CDK8: variants seen among roughly 807,000 people sequenced by gnomAD.
CDK8 encodes cyclin-dependent kinase 8.
CDK8 carries 29 observed loss-of-function variants against 71.5 expected under a neutral mutation model. That is an observed-to-expected ratio of 0.41 (90% CI 0.30 to 0.55). The LOEUF (loss-of-function observed/expected upper bound fraction) is 0.55. Among genes scored for constraint, CDK8 ranks in the 20% least tolerant of loss-of-function variants. CDK8 has a pLI of 0.37. For missense variants in CDK8, 288 were observed against 572.6 expected (o/e 0.50, Z 5.07); for synonymous variants, 161 against 192.1 (o/e 0.84, Z 1.34).
At chr13:26,283,463 C>T (rs1326211536) in intron 1 of CDK8, among the ~76,000 whole-genome samples, 1 of 151,734 alleles carries the variant, frequency 6.6e-6, no homozygotes, top group Admixed American at 6.6e-5. Flanking sequence ...AAAAAATTAG[C>T]TGGGCGTGGT....
Position 26,339,971 on chromosome 13 carries a change from T to C in CDK8, c.204+2329T>C, listed in dbSNP as rs574671289. 7.2e-5 allele frequency among the ~76,000 whole-genome samples: 11 copies of C among 151,938 alleles called. No individual in the cohort carries two copies. In the South Asian group the frequency reaches 1.2e-3, roughly 17 times the overall value. ...AATGTTGAATAGTGGTGAGAGCAGTTATCTTTGATTTATTCCCAACTGTGA... is the reference window on the plus strand; with the variant it reads ...AATGTTGAATAGTGGTGAGAGCAGTCATCTTTGATTTATTCCCAACTGTGA... On this transcript the variant is annotated intron_variant, in intron 2 of 12. Transcript: ENST00000381527.
rs71080255 is a variant in CDK8 at position 26,335,920 on chromosome 13, TAACAACAACAAC to T, written c.129-1624_129-1613del. ...AAAATATAATTGATATTCTCTTGCT[TAACAACAACAAC>T]AACAACAACAACAACAACAACAGAC... is the stretch of plus-strand genomic sequence containing the variant. On this transcript the variant is annotated intron_variant, in intron 1 of 12. Coordinates refer to ENST00000381527, the MANE Select transcript of CDK8 (RefSeq NM_001260.3). 1.2e-3 allele frequency among the ~76,000 whole-genome samples: 178 copies of T among 150,088 alleles called. 5 individuals carry two copies. The East Asian group carries it at 0.031, about 26-fold the overall frequency.
chr13:26,307,440 C>T (rs1216174496), intron 1 of CDK8, among the ~76,000 whole-genome samples: 1 of 152,048 alleles, frequency 6.6e-6, no homozygotes, highest in Non-Finnish European at 1.5e-5. Context: ...GATTCATGAG[C>T]AAAAGAAGTG....
chr13:26,356,439 T>A (rs185737509), intron 4 of CDK8, among the ~76,000 whole-genome samples: 27 of 152,288 alleles, frequency 1.8e-4, no homozygotes, highest in Admixed American at 7.8e-4. Flanking sequence ...CATGACTTAG[T>A]GTTCTTTATA....
At chr13:26,394,014 G>C (rs942899021) in intron 7 of CDK8, among the ~76,000 whole-genome samples, 5 of 152,192 alleles carry the variant, frequency 3.3e-5, no homozygotes, top group Non-Finnish European at 5.9e-5. Flanking sequence ...CAATGTGGGT[G>C]AGAGTCATAG....
At chr13:26,332,524 A>T (rs1872800435) in intron 1 of CDK8, among the ~76,000 whole-genome samples, 1 of 151,630 alleles carries the variant, frequency 6.6e-6, no homozygotes, top group Non-Finnish European at 1.5e-5. Flanking sequence ...ATCAGCAAAG[A>T]GAGACAGTTT....
chr13:26,303,305 A>G (rs906062955), intron 1 of CDK8, among the ~76,000 whole-genome samples: 5 of 149,732 alleles, frequency 3.3e-5, no homozygotes, highest in African/African-American at 1.2e-4. Flanking sequence ...CTATAAATAT[A>G]TTTCTTTTTT....
intron 4 of CDK8, among the ~76,000 whole-genome samples, chr13:26,371,858 T>C (rs1373362978): frequency 1.3e-5 from 2 of 152,236 alleles, no homozygotes; most frequent in Admixed American, 6.5e-5. Context: ...CCTCAAGTTA[T>C]CCGCCCGCCT....
At chr13:26,389,049 T>C (rs1875614802) in intron 6 of CDK8, among the ~76,000 whole-genome samples, 1 of 149,276 alleles carries the variant, frequency 6.7e-6, no homozygotes, top group African/African-American at 2.4e-5. Flanking sequence ...GTTGTAGTCT[T>C]ACTTCTATCA....
intron 1 of CDK8, chr13:26,324,896 G>C (rs1874950859): frequency 3.4e-6 from 1 of 289,906 alleles, no homozygotes; most frequent in Non-Finnish European, 5.1e-6. Context: ...AAACAGACAA[G>C]AAAAGACCAA....
chr13:26,357,766 C>G (rs907869525), intron 4 of CDK8, among the ~76,000 whole-genome samples: 2 of 152,188 alleles, frequency 1.3e-5, no homozygotes, highest in Admixed American at 1.3e-4. Flanking sequence ...AGTTTTAGCT[C>G]TAGTCCAAAG....
chr13:26,262,668 G>A (rs945229789), intron 1 of CDK8, among the ~76,000 whole-genome samples: 2 of 152,082 alleles, frequency 1.3e-5, no homozygotes, highest in East Asian at 1.9e-4. Flanking sequence ...ATATTTTTTT[G>A]AAATATACTT....
chr13:26,339,143 A>G (rs1360923654), intron 2 of CDK8, among the ~76,000 whole-genome samples: 1 of 152,074 alleles, frequency 6.6e-6, no homozygotes, highest in South Asian at 2.1e-4. Context: ...ATGAAGTCTT[A>G]CTAATTTTTC....
chr13:26,289,434 T>A (rs1007430862), intron 1 of CDK8, among the ~76,000 whole-genome samples: 4 of 152,226 alleles, frequency 2.6e-5, no homozygotes, highest in Non-Finnish European at 5.9e-5. Flanking sequence ...TGTTTTGATA[T>A]CCTACTGTAA....
intron 1 of CDK8, among the ~76,000 whole-genome samples, chr13:26,265,493 T>G (rs1392529760): frequency 2.0e-5 from 3 of 152,128 alleles, no homozygotes; most frequent in African/African-American, 7.2e-5. Context: ...GTGAGAGAGG[T>G]AATATCACTC....
intron 1 of CDK8, among the ~76,000 whole-genome samples, chr13:26,304,564 A>G (rs922576625): frequency 3.9e-5 from 6 of 151,948 alleles, no homozygotes; most frequent in African/African-American, 1.4e-4. Flanking sequence ...CCTGTGACTA[A>G]TACCCTTTTT....
At chr13:26,343,442 C>T (rs1873326679) in intron 2 of CDK8, among the ~76,000 whole-genome samples, 1 of 152,168 alleles carries the variant, frequency 6.6e-6, no homozygotes, top group Admixed American at 6.5e-5. Context: ...GCTGTTCTGC[C>T]TATGGAGTAG....
chr13:26,293,120 G>C (rs1365459430), intron 1 of CDK8, among the ~76,000 whole-genome samples: 1 of 151,944 alleles, frequency 6.6e-6, no homozygotes, highest in Non-Finnish European at 1.5e-5. Context: ...TTCTCTTTTT[G>C]TATTTTCTTT....
chr13:26,282,068 A>G (rs986063897), intron 1 of CDK8, among the ~76,000 whole-genome samples: 5 of 151,938 alleles, frequency 3.3e-5, no homozygotes, highest in Non-Finnish European at 5.9e-5. Context: ...GTTTGGGATT[A>G]TGTTAAATGG....
Sources: gnomAD v4.1 joint callset for allele counts (sites outside exome capture counted in the v4.1 genomes callset) on GRCh38, gnomAD v4.1.1 for gene constraint, MANE v1.5 for transcripts, NCBI Gene and HGNC (gene_info 2026-07-23, HGNC 2026-07-21) for gene names.